Variants in ADAMTS17 observed in about 807,000 individuals in gnomAD.
ADAMTS17 encodes A disintegrin and metalloproteinase with thrombospondin motifs 17.
ADAMTS17 carries 113 observed loss-of-function variants against 141.5 expected under a neutral mutation model. That is an observed-to-expected ratio of 0.80 (90% CI 0.69 to 0.93). ADAMTS17 has a LOEUF of 0.93. Ranked by LOEUF, ADAMTS17 falls within the 40% of genes least tolerant of loss-of-function variation. The pLI, the probability that ADAMTS17 is intolerant of heterozygous loss-of-function variation, is 0.00. For synonymous variants in ADAMTS17, 768 were observed against 630.6 expected (o/e 1.22, Z -3.27); for missense variants, 1,659 against 1,517.9 (o/e 1.09, Z -1.54).
chr15:100,109,362 G>A lies in ADAMTS17; in HGVS notation c.1889-246C>T, dbSNP rs566693472. Among the ~76,000 whole-genome samples, 3 of 152,218 alleles carry A rather than the reference G, an allele frequency of 2.0e-5. No homozygotes were observed. The South Asian group carries it at 6.2e-4, about 32-fold the overall frequency. On this transcript the variant is annotated intron_variant, in intron 13 of 21. Transcript: ENST00000268070. ...CTCTCTATCCTTTGCAATGATACAG[G>A]AAGTTTCCTTTTCCTTAAGGCATCA...
chr15:100,205,814 G>A (rs1027113315), intron 7 of ADAMTS17, among the ~76,000 whole-genome samples: 1 of 152,224 alleles, frequency 6.6e-6, no homozygotes, highest in Non-Finnish European at 1.5e-5. Context: ...AAGAGACAAA[G>A]GCGGTAGAAA....
At chr15:100,228,303 C>A (rs1395856690) in intron 7 of ADAMTS17, among the ~76,000 whole-genome samples, 1 of 152,186 alleles carries the variant, frequency 6.6e-6, no homozygotes, top group Non-Finnish European at 1.5e-5. Context: ...GAAACCTGGC[C>A]CAGTTTATCA....
chr15:100,262,695 A>G (rs1028168567), intron 4 of ADAMTS17, among the ~76,000 whole-genome samples: 6 of 152,094 alleles, frequency 3.9e-5, no homozygotes, highest in African/African-American at 1.2e-4. Context: ...ACTTTTCTGT[A>G]CATCTAAAAT....
At chr15:100,252,652 G>A (rs1177834226) in intron 7 of ADAMTS17, among the ~76,000 whole-genome samples, 3 of 152,136 alleles carry the variant, frequency 2.0e-5, no homozygotes, top group Non-Finnish European at 4.4e-5. Context: ...GCCCCAACCT[G>A]ACCTGGGCCT....
In ADAMTS17 at chr15:99,977,350, A is replaced by G. The variant is rs1420259164; in HGVS notation, c.2950-1128T>C. On this transcript the variant is annotated intron_variant, in intron 20 of 21. Transcript: ENST00000268070. ...GTTCTGTTCTCCGTCCCTCCTCTTC[A>G]TATATATATATATATATATATATAT... is the stretch of plus-strand genomic sequence containing the variant. Among the ~76,000 whole-genome samples the G allele has an allele frequency of 3.8e-3, 3 of 796 alleles. No individual in the cohort carries two copies. The East Asian group carries it at 0.12, about 31-fold the overall frequency. The allele number at this position is 796 out of a possible 152,430, so 0.5% of individuals were successfully genotyped here. A position where few individuals can be genotyped will look rare whatever the true frequency, so the allele number is the denominator to read the frequency against.
At chr15:100,332,872 G>A (rs547258547) in intron 2 of ADAMTS17, among the ~76,000 whole-genome samples, 6 of 152,290 alleles carry the variant, frequency 3.9e-5, no homozygotes, top group Admixed American at 2.0e-4. Context: ...CCCCGACCTC[G>A]AACAGGGATG....
chr15:100,261,581 C>T lies in ADAMTS17; in HGVS notation c.929G>A (p.Trp310Ter). The change falls in exon 6 of 22, where the codon TGG becomes TAG. Residue 310 changes from tryptophan to a stop codon, truncating the protein, a stop_gained. Coordinates refer to ENST00000268070, the MANE Select transcript of ADAMTS17 (RefSeq NM_139057.4). LOFTEE classifies it high-confidence loss of function. ...GERSLESFCH[W>*]QNEEYGGARY... ...CGCTCCTCCATACTCCTCGTTCTGC[C>T]AGTGACAGAAGCTCTCCAGGGACCG... 1 of 1,614,140 alleles carries T rather than the reference C, an allele frequency of 6.2e-7. No homozygotes were observed. The highest frequency in any genetic ancestry group is 8.5e-7 in the Non-Finnish European group (1 of 1,180,016).
chr15:100,000,647 G>A (rs1196207342), intron 18 of ADAMTS17, among the ~76,000 whole-genome samples: 4 of 152,046 alleles, frequency 2.6e-5, no homozygotes, highest in South Asian at 2.1e-4. Context: ...CTGAGTAGTC[G>A]GGTTTACAGC....
intron 7 of ADAMTS17, among the ~76,000 whole-genome samples, chr15:100,220,787 GCTT>G (rs1250967900): frequency 6.6e-6 from 1 of 152,114 alleles, no homozygotes; most frequent in Non-Finnish European, 1.5e-5. Context: ...TTTGTGACTG[GCTT>G]CTTTCATTTA....
rs183264646 is a variant in ADAMTS17 at position 100,194,853 on chromosome 15, G to A, written c.1181+4465C>T. Among the ~76,000 whole-genome samples, 10 of 152,302 alleles carry A rather than the reference G, an allele frequency of 6.6e-5. No homozygotes were observed. The East Asian group carries it at 1.7e-3, about 27-fold the overall frequency. ...CATTCCATGGTTCCTGTCTTAGCAA[G>A]GATCAGCGGGTAAAAGATGCCTGTT... On this transcript the variant is annotated intron_variant, in intron 8 of 21. Transcript: ENST00000268070.
At chr15:100,121,700 G>C (rs887157888) in intron 12 of ADAMTS17, among the ~76,000 whole-genome samples, 2 of 151,878 alleles carry the variant, frequency 1.3e-5, no homozygotes, top group Non-Finnish European at 2.9e-5. Flanking sequence ...GCTAAAGGGA[G>C]TCCTTCAAGT....
intron 18 of ADAMTS17, among the ~76,000 whole-genome samples, chr15:100,037,066 T>C (rs974290483): frequency 6.6e-6 from 1 of 152,230 alleles, no homozygotes; most frequent in Non-Finnish European, 1.5e-5. Flanking sequence ...TTCTTGGGTA[T>C]ATACATAGTA....
rs142854226 is a variant in ADAMTS17 at position 100,046,606 on chromosome 15, T to G, written c.2591+2251A>C. 1.7e-4 allele frequency among the ~76,000 whole-genome samples: 26 copies of G among 152,356 alleles called. No individual in the cohort carries two copies. In the East Asian group the frequency reaches 5.0e-3, roughly 29 times the overall value. ...TTGTGAAGATTTCATGGACATTTAT[T>G]AGTTCCCCAAATAAATACTTTTATA... On this transcript the variant is annotated intron_variant, in intron 18 of 21. Coordinates refer to ENST00000268070, the MANE Select transcript of ADAMTS17 (RefSeq NM_139057.4).
chr15:100,254,050 A>G, intron 7 of ADAMTS17, 86 bp downstream of exon 7: 1 of 1,311,698 alleles, frequency 7.6e-7, no homozygotes, highest in Non-Finnish European at 1.1e-6. Flanking sequence ...TTGTTTGAGG[A>G]CAGCTCCTCC....
intron 10 of ADAMTS17, among the ~76,000 whole-genome samples, chr15:100,147,642 T>A (rs986585897): frequency 6.6e-6 from 1 of 152,214 alleles, no homozygotes; most frequent in Non-Finnish European, 1.5e-5. Flanking sequence ...CACCAGCACA[T>A]ATGCAGCTGA....
intron 2 of ADAMTS17, among the ~76,000 whole-genome samples, chr15:100,331,595 C>A (rs754396682): frequency 2.6e-5 from 4 of 152,116 alleles, no homozygotes. Flanking sequence ...TCAAGGAAAT[C>A]GAACCCAGGC....
chr15:99,976,097 C>G lies in ADAMTS17; in HGVS notation c.3075G>C (p.Gln1025His), dbSNP rs1188513214. 1.3e-6 allele frequency: 2 copies of G among 1,551,638 alleles called. No homozygotes were observed. The highest frequency in any genetic ancestry group is 1.7e-6 in the Non-Finnish European group (2 of 1,146,970). The change falls in exon 21 of 22, where the codon CAG (glutamine) becomes CAC (histidine). Residue 1025 changes from glutamine to histidine, a missense_variant. Gln to His is a conservative substitution (Grantham distance 24). Coordinates refer to ENST00000268070, the MANE Select transcript of ADAMTS17 (RefSeq NM_139057.4). Reference protein sequence around the residue: ...SKPAPYRQCYQEVCNDRINAN... With the variant: ...SKPAPYRQCYHEVCNDRINAN... ...CGTTGATCCTGTCGTTGCAGACCTC[C>G]TGGTAGCACTGTCTGTAGGGGGCAG...
At chr15:100,083,687 T>C (rs956906286) in intron 15 of ADAMTS17, among the ~76,000 whole-genome samples, 4 of 150,936 alleles carry the variant, frequency 2.7e-5, no homozygotes, top group African/African-American at 9.8e-5. Flanking sequence ...AAACAAAGTC[T>C]AGTTTGAGGG....
intron 7 of ADAMTS17, among the ~76,000 whole-genome samples, chr15:100,235,461 T>C (rs2042626966): frequency 6.6e-6 from 1 of 152,112 alleles, no homozygotes; most frequent in Admixed American, 6.5e-5. Flanking sequence ...CATGCCCTCC[T>C]GTCTCAGGTG....
Sources: allele counts gnomAD v4.1 joint callset (sites outside exome capture counted in the v4.1 genomes callset), GRCh38; gene constraint gnomAD v4.1.1; transcripts MANE v1.5; gene names NCBI Gene and HGNC (gene_info 2026-07-23, HGNC 2026-07-21).